STIP1: variants seen among roughly 807,000 people sequenced by gnomAD.
STIP1 encodes the protein stress induced phosphoprotein 1, also known as stress-induced-phosphoprotein 1.
In STIP1, 16 loss-of-function variants were observed where a neutral mutation model predicts 77.4. That is an observed-to-expected ratio of 0.21 (90% CI 0.14 to 0.31). STIP1 has a LOEUF of 0.31. Among genes scored for constraint, STIP1 ranks in the 10% least tolerant of loss-of-function variants. STIP1 has a pLI of 1.00. For missense variants in STIP1, 524 were observed against 684.8 expected (o/e 0.77, Z 2.62); for synonymous variants, 258 against 246.6 (o/e 1.05, Z -0.44).
At chr11:64,185,908 G>A (rs1946007265), upstream of STIP1, 1 of 1,536,100 alleles carries the variant, frequency 6.5e-7, no homozygotes, top group African/African-American at 1.4e-5. Flanking sequence ...GCTACGATTG[G>A]CAGTGCAAAA....
At chr11:64,195,605 G>GT in intron 4 of STIP1, 40 bp from the exon 5 acceptor site, 1 of 1,518,172 alleles carries the variant, frequency 6.6e-7, no homozygotes, top group Non-Finnish European at 8.8e-7. Flanking sequence ...GTGGGGAGGA[G>GT]TAATTACAAT....
chr11:64,197,993 G>C lies in STIP1; in HGVS notation c.1023+19G>C. 1 of 1,596,912 alleles carries C rather than the reference G, an allele frequency of 6.3e-7. No individual in the cohort carries two copies. The highest frequency in any genetic ancestry group is 8.5e-7 in the Non-Finnish European group (1 of 1,173,540). ...CCAGCAGGTGCGTAGGAAAAGAATA[G>C]GGGTATTTTCTTGTTTTCCTAATAA... On this transcript the variant is annotated intron_variant, in intron 8 of 13. Coordinates refer to ENST00000305218, the MANE Select transcript of STIP1 (RefSeq NM_006819.3).
chr11:64,187,934 G>T (rs775317484), intron 1 of STIP1, among the ~76,000 whole-genome samples: 6 of 151,918 alleles, frequency 3.9e-5, no homozygotes, highest in Non-Finnish European at 7.4e-5. Context: ...GAACCCTGGG[G>T]GCAGCTTGCA....
chr11:64,203,378 T>C, intron 12 of STIP1, 72 bp from the exon 13 acceptor site: 4 of 1,602,294 alleles, frequency 2.5e-6, no homozygotes, highest in Non-Finnish European at 2.6e-6. Flanking sequence ...TTACCTCTGT[T>C]ATCTTGGACC....
chr11:64,186,891 CTGA>C (rs754050433), intron 1 of STIP1, among the ~76,000 whole-genome samples: 7 of 152,166 alleles, frequency 4.6e-5, no homozygotes, highest in Non-Finnish European at 1.0e-4. Flanking sequence ...CCGACTCTAC[CTGA>C]TGCGGGAAAG....
intron 6 of STIP1, 34 bp from the exon 7 acceptor site, chr11:64,197,459 C>CT (rs757687814): frequency 3.1e-6 from 5 of 1,614,128 alleles, no homozygotes; most frequent in Non-Finnish European, 4.2e-6. Flanking sequence ...GAAGCAAAGA[C>CT]TGACTGTTCC....
intron 4 of STIP1, 112 bp downstream of exon 4, chr11:64,194,732 C>A: frequency 1.4e-6 from 2 of 1,384,640 alleles, no homozygotes; most frequent in Non-Finnish European, 9.7e-7. Flanking sequence ...TTTGCCTTTG[C>A]TTATTCTCTG....
At chr11:64,198,921 C>T (rs1037659385) in intron 8 of STIP1, among the ~76,000 whole-genome samples, 7 of 151,868 alleles carry the variant, frequency 4.6e-5, no homozygotes, top group Middle Eastern at 3.2e-3. Context: ...CAGCAATAGC[C>T]GGGTGCAGTG....
At chr11:64,186,470 G>T (rs1041520545) in intron 1 of STIP1, 200 bp downstream of exon 1, 54 of 497,398 alleles carry the variant, frequency 1.1e-4, no homozygotes, top group African/African-American at 1.0e-3. Context: ...CGCGGGGAGC[G>T]CCCATCGCCC....
upstream of STIP1, chr11:64,185,497 C>T (rs184938746): frequency 1.7e-5 from 6 of 353,674 alleles, no homozygotes; most frequent in African/African-American, 1.3e-4. Flanking sequence ...CTGGACAACG[C>T]GGGTAGCTGG....
Position 64,186,239 on chromosome 11 carries a change from G to A in STIP1, c.-23G>A, listed in dbSNP as rs968646396. On this transcript the variant is annotated 5_prime_UTR_variant, in exon 1 of 14. Coordinates refer to ENST00000305218, the MANE Select transcript of STIP1 (RefSeq NM_006819.3). ...GCGGAGCGGACGGATTCGATTCAAC[G>A]GGGTTCCGGACCGCGCTGCGCTATG... The A allele has an allele frequency of 1.2e-5, 18 of 1,550,532 alleles. No homozygotes were observed. The highest frequency in any genetic ancestry group is 4.9e-5 in the East Asian group (2 of 41,044).
In STIP1 at chr11:64,197,960, A is replaced by G. The variant is rs1267851729; in HGVS notation, c.1009A>G (p.Lys337Glu). 1.9e-6 allele frequency: 3 copies of G among 1,613,368 alleles called. No individual in the cohort carries two copies. Among genetic ancestry groups the G allele is most frequent in the Non-Finnish European group, 2.5e-6 (3 of 1,179,712 alleles). ...LAEHRTPDVLKKCQQAEKILK... is the reference protein window; with the variant it reads ...LAEHRTPDVLEKCQQAEKILK... ...AGAGCACCGAACCCCAGATGTGCTC[A>G]AGAAATGCCAGCAGGTGCGTAGGAA... is the stretch of plus-strand genomic sequence containing the variant. The change falls in exon 8 of 14, where the codon AAG becomes GAG. Residue 337 changes from lysine to glutamate, a missense_variant. Lys to Glu is a moderately conservative substitution (Grantham distance 56). Transcript: ENST00000305218.
chr11:64,193,899 A>G (rs530403723), intron 2 of STIP1, among the ~76,000 whole-genome samples: 60 of 152,348 alleles, frequency 3.9e-4, no homozygotes, highest in African/African-American at 1.4e-3. Flanking sequence ...CCTGGGTAAC[A>G]TAAGGAGTCC....
intron 1 of STIP1, 141 bp from the exon 2 acceptor site, chr11:64,192,937 A>C: frequency 2.4e-6 from 2 of 825,936 alleles, no homozygotes; most frequent in Non-Finnish European, 1.9e-6. Flanking sequence ...GAAATTAAAT[A>C]AATGAACCGG....
upstream of STIP1, chr11:64,186,023 T>G (rs1946009673): frequency 3.2e-6 from 5 of 1,545,120 alleles, no homozygotes; most frequent in Non-Finnish European, 3.5e-6. Context: ...GGAGGCAGGG[T>G]TGAGGGAATT....
rs1449542454 is a variant in STIP1 at position 64,200,186 on chromosome 11, A to G, written c.1138A>G (p.Met380Val). 7.4e-6 allele frequency: 12 copies of G among 1,613,392 alleles called. No homozygotes were observed. Among genetic ancestry groups the G allele is most frequent in the East Asian group, 6.7e-5 (3 of 44,894 alleles). The change falls in exon 10 of 14, where the codon ATG (methionine) becomes GTG (valine). Residue 380 changes from methionine to valine, a missense_variant. Transcript: ENST00000305218. ...CFQKGDYPQA[M>V]KHYTEAIKRN... ...TTCCCCAGGGGACTATCCCCAGGCC[A>G]TGAAGCATTATACAGAAGCCATCAA...
At chr11:64,201,006 C>A (rs967976305) in intron 10 of STIP1, among the ~76,000 whole-genome samples, 1 of 145,034 alleles carries the variant, frequency 6.9e-6, no homozygotes, top group Non-Finnish European at 1.5e-5. Flanking sequence ...GGATTACAAG[C>A]GTGAACCACC....
chr11:64,203,183 C>T lies in STIP1; in HGVS notation c.1341C>T (p.Ala447=), dbSNP rs952568535. 3.7e-6 allele frequency: 6 copies of T among 1,614,242 alleles called. No homozygotes were observed. The highest frequency in any genetic ancestry group is 2.5e-6 in the Non-Finnish European group (3 of 1,180,052). ...ALEAMKDYTK[A]MDVYQKALDL... ...AAGCGATGAAGGACTACACCAAAGC[C>T]ATGGATGTGTACCAGAAGGCGCTAG... Residue 447 remains alanine, a synonymous_variant, in exon 12 of 14, where the codon GCC becomes GCT. Coordinates refer to ENST00000305218, the MANE Select transcript of STIP1 (RefSeq NM_006819.3).
Position 64,186,250 on chromosome 11 carries a change from C to A in STIP1, c.-12C>A, listed in dbSNP as rs1376781312. Reference sequence around the variant, plus strand: ...GGATTCGATTCAACGGGGTTCCGGACCGCGCTGCGCTATGGAGCAGGTGAA... The same window carrying A: ...GGATTCGATTCAACGGGGTTCCGGAACGCGCTGCGCTATGGAGCAGGTGAA... On this transcript the variant is annotated 5_prime_UTR_variant, in exon 1 of 14. Coordinates refer to ENST00000305218, the MANE Select transcript of STIP1 (RefSeq NM_006819.3). The A allele has an allele frequency of 1.3e-6, 2 of 1,548,468 alleles. No homozygotes were observed. Among genetic ancestry groups the A allele is most frequent in the African/African-American group, 2.7e-5 (2 of 72,850 alleles).
Sources: gnomAD v4.1 joint callset for allele counts (sites outside exome capture counted in the v4.1 genomes callset) on GRCh38, gnomAD v4.1.1 for gene constraint, MANE v1.5 for transcripts, NCBI Gene and HGNC (gene_info 2026-07-23, HGNC 2026-07-21) for gene names.